SMCHD1: variants seen among roughly 807,000 people sequenced by gnomAD.
The protein encoded by SMCHD1 is structural maintenance of chromosomes flexible hinge domain containing 1.
A neutral mutation model predicts 254.7 loss-of-function variants in SMCHD1; 78 were observed. The observed-to-expected ratio is 0.31, with a 90% CI of 0.26 to 0.37. The LOEUF (loss-of-function observed/expected upper bound fraction) is 0.37. Among genes scored for constraint, SMCHD1 ranks in the 10% least tolerant of loss-of-function variants. The pLI is 1.00. For synonymous variants in SMCHD1, 766 were observed against 794.9 expected (o/e 0.96, Z 0.61); for missense variants, 1,840 against 2,408.1 (o/e 0.76, Z 4.94).
chr18:2,762,654 A>AT (rs1428654233), intron 36 of SMCHD1, among the ~76,000 whole-genome samples: 10 of 151,662 alleles, frequency 6.6e-5, no homozygotes, highest in East Asian at 1.9e-4. Context: ...CTAGTTTTAA[A>AT]TTTTTTTTCT....
chr18:2,672,947 A>G (rs146926159), intron 3 of SMCHD1: 8 of 392,250 alleles, frequency 2.0e-5, no homozygotes, highest in Non-Finnish European at 2.8e-5. Context: ...GTAATTACAT[A>G]CTGCAGACTA....
chr18:2,782,554 A>G (rs560897264), intron 44 of SMCHD1, among the ~76,000 whole-genome samples: 12 of 151,972 alleles, frequency 7.9e-5, no homozygotes, highest in Admixed American at 3.9e-4. Context: ...AGCCTGGGCA[A>G]CATAGTGAGA....
At chr18:2,721,132 A>T (rs545215204) in intron 19 of SMCHD1, among the ~76,000 whole-genome samples, 1 of 152,204 alleles carries the variant, frequency 6.6e-6, no homozygotes, top group Admixed American at 6.5e-5. Flanking sequence ...CATTCCTGAG[A>T]CTTATGGGCG....
rs769432583 is a variant in SMCHD1, at chr18:2,708,907, T to TATATATATAAAA, written c.2260+988_2260+989insTATATATAAAAA. Among the ~76,000 whole-genome samples the TATATATATAAAA allele has an allele frequency of 1.6e-3, 70 of 44,702 alleles. 3 individuals carry two copies. Among genetic ancestry groups the TATATATATAAAA allele is most frequent in the East Asian group, 4.6e-3 (4 of 864 alleles). 29.3% of individuals were successfully genotyped at this position (44,702 alleles called of 152,430 possible). A position where few individuals can be genotyped will look rare whatever the true frequency, so the allele number is the denominator to read the frequency against. ...ATATATATATATATATATATATATA[T>TATATATATAAAA]AACATATTAACATGAAATTTATGAA... is the stretch of plus-strand genomic sequence containing the variant. On this transcript the variant is annotated intron_variant, in intron 17 of 47. Transcript: ENST00000320876.
Position 2,775,779 on chromosome 18 carries a change from A to G in SMCHD1, c.5221A>G (p.Ile1741Val). The G allele has an allele frequency of 6.2e-7, 1 of 1,613,468 alleles. No homozygotes were observed. Among genetic ancestry groups the G allele is most frequent in the South Asian group, 1.1e-5 (1 of 91,044 alleles). ...QIEDDRAAMV[I>V]SWHLASDMDC... is the part of the protein sequence containing the mutation. ...TGAAGATGATAGAGCTGCGATGGTT[A>G]TTTCTTGGCATCTGGCAAGTGACAT... Residue 1741 changes from isoleucine to valine, a missense_variant, in exon 42 of 48, where the codon ATT becomes GTT. Ile to Val is a conservative substitution (Grantham distance 29). This residue lies in a region of SMCHD1 where 114 missense variants were observed against 217.6 expected (regional missense o/e 0.52). Transcript: ENST00000320876.
At chr18:2,672,158 G>A (rs890117154) in intron 3 of SMCHD1, among the ~76,000 whole-genome samples, 2 of 152,040 alleles carry the variant, frequency 1.3e-5, no homozygotes, top group Non-Finnish European at 2.9e-5. Context: ...TTTGCAATTC[G>A]TTTATAAACA....
intron 7 of SMCHD1, among the ~76,000 whole-genome samples, chr18:2,692,167 A>G (rs959704777): frequency 6.6e-6 from 1 of 152,198 alleles, no homozygotes; most frequent in African/African-American, 2.4e-5. Context: ...ATGAATACCA[A>G]CTGATCATAT....
chr18:2,698,147 T>C (rs1430418410), intron 10 of SMCHD1, 106 bp downstream of exon 10: 23 of 806,110 alleles, frequency 2.9e-5, no homozygotes, highest in Non-Finnish European at 3.3e-5. Context: ...TAGATAAATA[T>C]TAAATTTTTT....
intron 1 of SMCHD1, among the ~76,000 whole-genome samples, chr18:2,657,975 A>C (rs547726953): frequency 1.3e-5 from 2 of 150,760 alleles, no homozygotes; most frequent in East Asian, 3.9e-4. Flanking sequence ...TATTTTTCGT[A>C]CATACGGGGG....
At chr18:2,738,114 C>G (rs11080986) in intron 25 of SMCHD1, among the ~76,000 whole-genome samples, 4 of 151,830 alleles carry the variant, frequency 2.6e-5, no homozygotes, top group African/African-American at 9.7e-5. Flanking sequence ...TACTTTTAAA[C>G]GATAATGGCC....
chr18:2,787,185 A>G (rs1038747687), intron 45 of SMCHD1, among the ~76,000 whole-genome samples: 1 of 152,208 alleles, frequency 6.6e-6, no homozygotes, highest in Non-Finnish European at 1.5e-5. Flanking sequence ...GAAAGGAAGC[A>G]AAAGGGAAGG....
intron 19 of SMCHD1, among the ~76,000 whole-genome samples, chr18:2,719,012 C>T (rs1037060973): frequency 6.6e-6 from 1 of 151,776 alleles, no homozygotes; most frequent in African/African-American, 2.4e-5. Flanking sequence ...AAAACGTTCT[C>T]TGTTCCCCAG....
At chr18:2,741,731 T>C (rs1351943937) in intron 28 of SMCHD1, among the ~76,000 whole-genome samples, 8 of 152,214 alleles carry the variant, frequency 5.3e-5, no homozygotes, top group Non-Finnish European at 1.2e-4. Flanking sequence ...GCTCCTGTTA[T>C]GAATAAACAA....
At chr18:2,663,953 G>T (rs944611754) in intron 1 of SMCHD1, among the ~76,000 whole-genome samples, 1 of 151,920 alleles carries the variant, frequency 6.6e-6, no homozygotes, top group African/African-American at 2.4e-5. Context: ...CTGCCCTCGT[G>T]ATCCACCCTC....
At position 2,745,679 on chromosome 18, in the gene SMCHD1, A is replaced by C. The variant is rs7230068; in HGVS notation, c.3801+1751A>C. ...TTGTGTGGAACAGTTTTGAGGTGGA[A>C]AAAGTCTGGACATGTTTGTCTTATA... On this transcript the variant is annotated intron_variant, in intron 29 of 47. Coordinates refer to ENST00000320876, the MANE Select transcript of SMCHD1 (RefSeq NM_015295.3). 8.8e-3 allele frequency among the ~76,000 whole-genome samples: 1,337 copies of C among 152,296 alleles called. 22 individuals carry two copies. Among genetic ancestry groups the C allele is most frequent in the African/African-American group, 0.03 (1,267 of 41,570 alleles).
At position 2,674,154 on chromosome 18, in the gene SMCHD1, A is replaced by G; in HGVS notation, c.638+9A>G. 6.4e-7 allele frequency: 1 copy of G among 1,553,972 alleles called. No individual in the cohort carries two copies. Among genetic ancestry groups the G allele is most frequent in the South Asian group, 1.2e-5 (1 of 80,702 alleles). The stretch of plus-strand genomic sequence containing the variant: ...CAAGGTGACTTTGAAAGGTTAGAAA[A>G]CCTTACTTTTTTTTTTTTGTGGGTA... On this transcript the variant is annotated intron_variant, in intron 5 of 47. Coordinates refer to ENST00000320876, the MANE Select transcript of SMCHD1 (RefSeq NM_015295.3).
At chr18:2,689,220 CT>C (rs71159003) in intron 7 of SMCHD1, among the ~76,000 whole-genome samples, 1,771 of 132,030 alleles carry the variant, frequency 0.013, 32 homozygotes, top group African/African-American at 0.046. Context: ...GATTTTTTTT[CT>C]TTTTTTTTTT....
At position 2,750,040 on chromosome 18, in the gene SMCHD1, T is replaced by G; in HGVS notation, c.3928-3T>G. On this transcript the variant is annotated splice_region_variant and splice_polypyrimidine_tract_variant and intron_variant, in intron 30 of 47. Coordinates refer to ENST00000320876, the MANE Select transcript of SMCHD1 (RefSeq NM_015295.3). ...TAACCATTTTGTTTTGTTTTGTTTTTAGCTCATGCCTTCAAACCAACAGCA... is the reference window on the plus strand; with the variant it reads ...TAACCATTTTGTTTTGTTTTGTTTTGAGCTCATGCCTTCAAACCAACAGCA... 6.4e-7 allele frequency: 1 copy of G among 1,554,190 alleles called. No individual in the cohort carries two copies. The highest frequency in any genetic ancestry group is 8.7e-7 in the Non-Finnish European group (1 of 1,148,972).
At chr18:2,685,776 T>C (rs1379274744) in intron 5 of SMCHD1, among the ~76,000 whole-genome samples, 1 of 152,242 alleles carries the variant, frequency 6.6e-6, no homozygotes, top group Non-Finnish European at 1.5e-5. Flanking sequence ...GGATCATCCA[T>C]GTTGTAGCAT....
Sources: gnomAD v4.1 joint callset for allele counts (sites outside exome capture counted in the v4.1 genomes callset) on GRCh38, gnomAD v4.1.1 for gene constraint, gnomAD v4.1.1 regional missense constraint, MANE v1.5 for transcripts, NCBI Gene and HGNC (gene_info 2026-07-23, HGNC 2026-07-21) for gene names.